Variants in GSDMC observed in about 807,000 individuals in gnomAD.
GSDMC encodes gasdermin-C.
GSDMC carries 59 observed loss-of-function variants against 58.0 expected under a neutral mutation model. The ratio of observed to expected loss-of-function variants is 1.02; its 90% CI spans 0.82 to 1.26. The LOEUF is 1.26. GSDMC is among the 50% of genes most tolerant of loss of function. GSDMC has a pLI of 0.00. For missense variants in GSDMC, 659 were observed against 598.5 expected (o/e 1.10, Z -1.06); for synonymous variants, 241 against 220.2 (o/e 1.09, Z -0.83).
rs57820154 is a variant in GSDMC at position 129,756,184 on chromosome 8, C to CAA, written c.722-3366_722-3365dup. ...AAAGATATTCCATGCTAATGGAAAC[C>CAA]AAAAAAAAAAGCAGAAATAGCTATA... is the stretch of plus-strand genomic sequence containing the variant. On this transcript the variant is annotated intron_variant, in intron 6 of 13. Transcript: ENST00000276708. 5.1e-4 allele frequency among the ~76,000 whole-genome samples: 72 copies of CAA among 140,242 alleles called. No homozygotes were observed. In the South Asian group the frequency reaches 7.8e-3, roughly 15 times the overall value. 92.0% of individuals were successfully genotyped at this position (140,242 alleles called of 152,430 possible).
chr8:129,784,175 G>A (rs1458219602), intron 1 of GSDMC, among the ~76,000 whole-genome samples: 2 of 152,130 alleles, frequency 1.3e-5, no homozygotes, highest in Non-Finnish European at 2.9e-5. Flanking sequence ...CCAGGACATT[G>A]GTCTAGGCAA....
chr8:129,714,893 T>TA, the GSDMC span, among the ~76,000 whole-genome samples: 1 of 152,202 alleles, frequency 6.6e-6, no homozygotes, highest in Non-Finnish European at 1.5e-5. Context: ...CTTAAATTCT[T>TA]AAAAATATGT....
At chr8:129,771,847 A>G (rs1479017514) in intron 3 of GSDMC, among the ~76,000 whole-genome samples, 1 of 152,248 alleles carries the variant, frequency 6.6e-6, no homozygotes, top group African/African-American at 2.4e-5. Flanking sequence ...AAGTGAAAAC[A>G]CAACATACCA....
intron 4 of GSDMC, among the ~76,000 whole-genome samples, chr8:129,763,977 A>G (rs1011957907): frequency 6.6e-6 from 1 of 152,168 alleles, no homozygotes; most frequent in Non-Finnish European, 1.5e-5. Flanking sequence ...TAAGAAAAAG[A>G]ATAATAAATT....
chr8:129,748,234 T>C lies in GSDMC; in HGVS notation c.*267A>G. The C allele has an allele frequency of 3.7e-6, 1 of 272,666 alleles. No homozygotes were observed. The allele number at this position is 272,666 out of a possible 1,614,324, so 16.9% of individuals were successfully genotyped here. On this transcript the variant is annotated 3_prime_UTR_variant, in exon 14 of 14. Coordinates refer to ENST00000276708, the MANE Select transcript of GSDMC (RefSeq NM_031415.3). ...TGTTTTTATTATTTTGAAGTAAAAT[T>C]TATACATAGTGAAACGCTTACGTCT...
chr8:129,715,184 A>G, the GSDMC span, among the ~76,000 whole-genome samples: 1 of 152,214 alleles, frequency 6.6e-6, no homozygotes, highest in South Asian at 2.1e-4. Flanking sequence ...TGAAAGCCTT[A>G]TGATTTTCTG....
chr8:129,759,887 A>T (rs942941389), intron 6 of GSDMC, among the ~76,000 whole-genome samples: 1 of 152,214 alleles, frequency 6.6e-6, no homozygotes, highest in Non-Finnish European at 1.5e-5. Context: ...GCAGGCAATC[A>T]GTATACCAAA....
intron 3 of GSDMC, among the ~76,000 whole-genome samples, chr8:129,774,606 C>A (rs575205612): frequency 1.2e-4 from 18 of 149,866 alleles, no homozygotes; most frequent in African/African-American, 4.4e-4. Context: ...GCAAAGGAAA[C>A]AATCAACAGA....
chr8:129,724,459 G>T, the GSDMC span, among the ~76,000 whole-genome samples: 3 of 152,012 alleles, frequency 2.0e-5, no homozygotes, highest in Admixed American at 2.0e-4. Context: ...CAATTTGTTT[G>T]CAATAGATAA....
the GSDMC span, among the ~76,000 whole-genome samples, chr8:129,710,738 T>G: frequency 1.3e-5 from 2 of 152,220 alleles, no homozygotes; most frequent in Non-Finnish European, 2.9e-5. Flanking sequence ...ATGCTTCTGT[T>G]GCTTATTACC....
At chr8:129,740,546 C>T in the GSDMC span, among the ~76,000 whole-genome samples, 1 of 152,280 alleles carries the variant, frequency 6.6e-6, no homozygotes, top group South Asian at 2.1e-4. Context: ...AGTACATTAA[C>T]ATGCTGTACA....
chr8:129,710,835 A>C, the GSDMC span, among the ~76,000 whole-genome samples: 1 of 152,210 alleles, frequency 6.6e-6, no homozygotes, highest in Non-Finnish European at 1.5e-5. Context: ...AATTATTACC[A>C]AGGGCAGACG....
At chr8:129,754,226 C>G (rs997316882) in intron 6 of GSDMC, among the ~76,000 whole-genome samples, 3 of 152,200 alleles carry the variant, frequency 2.0e-5, no homozygotes, top group African/African-American at 7.2e-5. Context: ...CAGGTCTAAC[C>G]CAGTGCAGAG....
the GSDMC span, chr8:129,730,186 T>G: frequency 2.6e-6 from 3 of 1,175,744 alleles, no homozygotes; most frequent in Non-Finnish European, 3.5e-6. Flanking sequence ...TGTGTAAAAC[T>G]GTACAACATG....
At chr8:129,718,749 A>G in the GSDMC span, among the ~76,000 whole-genome samples, 1 of 152,236 alleles carries the variant, frequency 6.6e-6, no homozygotes, top group Non-Finnish European at 1.5e-5. Flanking sequence ...TTACTGCAGC[A>G]CTATTCACAA....
chr8:129,746,837 AG>A (rs1313829947), downstream of GSDMC, among the ~76,000 whole-genome samples: 2 of 152,236 alleles, frequency 1.3e-5, no homozygotes, highest in Admixed American at 1.3e-4. Flanking sequence ...TCAAGAACAA[AG>A]GCAAGAGGCA....
chr8:129,752,629 T>A, intron 7 of GSDMC, 69 bp downstream of exon 7: 2 of 1,576,944 alleles, frequency 1.3e-6, no homozygotes, highest in Non-Finnish European at 8.6e-7. Flanking sequence ...AAACACCAAA[T>A]TTTAACAACT....
At chr8:129,705,794 G>A in the GSDMC span, among the ~76,000 whole-genome samples, 4,495 of 152,312 alleles carry the variant, frequency 0.03, 73 homozygotes, top group Middle Eastern at 0.15. Context: ...GAGTGAAGGG[G>A]AGGAGTAGAA....
the GSDMC span, among the ~76,000 whole-genome samples, chr8:129,742,513 T>A: frequency 4.6e-5 from 7 of 152,102 alleles, no homozygotes; most frequent in Non-Finnish European, 1.0e-4. Context: ...ATTCTACAGG[T>A]CTCTAGGGTT....
Sources: gnomAD v4.1 joint callset for allele counts (sites outside exome capture counted in the v4.1 genomes callset) on GRCh38, gnomAD v4.1.1 for gene constraint, MANE v1.5 for transcripts, NCBI Gene and HGNC (gene_info 2026-07-23, HGNC 2026-07-21) for gene names.